Variants in GCH1 observed in about 807,000 individuals in gnomAD.
The protein encoded by GCH1 is GTP cyclohydrolase 1.
In GCH1, 5 loss-of-function variants were observed where a neutral mutation model predicts 25.9. The observed-to-expected ratio is 0.19, with a 90% CI of 0.10 to 0.41. The LOEUF (loss-of-function observed/expected upper bound fraction) is 0.41. GCH1 is among the 10% of genes least tolerant of loss of function. GCH1 has a pLI of 1.00. For missense variants in GCH1, 261 were observed against 336.5 expected (o/e 0.78, Z 1.75); for synonymous variants, 159 against 129.6 (o/e 1.23, Z -1.54).
At chr14:54,865,697 C>T (rs374462796) in intron 1 of GCH1, among the ~76,000 whole-genome samples, 7 of 152,160 alleles carry the variant, frequency 4.6e-5, no homozygotes, top group South Asian at 4.1e-4. Flanking sequence ...GGAAGGAGAA[C>T]GGAGGGAGGA....
chr14:54,870,619 T>C (rs1256597851), intron 1 of GCH1, among the ~76,000 whole-genome samples: 1 of 152,160 alleles, frequency 6.6e-6, no homozygotes, highest in Non-Finnish European at 1.5e-5. Flanking sequence ...CGGTGACAGA[T>C]GGCACCTGGA....
At chr14:54,855,105 TA>T (rs2039788711) in intron 3 of GCH1, among the ~76,000 whole-genome samples, 1 of 152,248 alleles carries the variant, frequency 6.6e-6, no homozygotes, top group Non-Finnish European at 1.5e-5. Flanking sequence ...AAATACTGGT[TA>T]AATGAATTGT....
intron 1 of GCH1, among the ~76,000 whole-genome samples, chr14:54,893,639 T>C (rs1314440487): frequency 2.0e-5 from 3 of 152,230 alleles, no homozygotes; most frequent in African/African-American, 7.2e-5. Context: ...ACTTTCAAGA[T>C]ACAGTCTTGG....
intron 1 of GCH1, among the ~76,000 whole-genome samples, chr14:54,900,297 C>G (rs1156390487): frequency 1.3e-5 from 2 of 152,084 alleles, no homozygotes; most frequent in African/African-American, 4.8e-5. Context: ...GCAACCTCCT[C>G]CTCCTGGGTT....
chr14:54,884,173 T>C (rs530902516), intron 1 of GCH1, among the ~76,000 whole-genome samples: 1 of 152,148 alleles, frequency 6.6e-6, no homozygotes, highest in East Asian at 1.9e-4. Flanking sequence ...GTAAAAATAT[T>C]TGGAGAATGA....
intron 1 of GCH1, among the ~76,000 whole-genome samples, chr14:54,891,553 G>A (rs544801247): frequency 6.6e-6 from 1 of 152,080 alleles, no homozygotes; most frequent in Non-Finnish European, 1.5e-5. Flanking sequence ...GGGATTACAG[G>A]CACATGCCAC....
rs184239730 is a variant in GCH1, at chr14:54,863,645, C to T, written c.453+1682G>A. Reference sequence around the variant, plus strand: ...CAGGCAATGACATCAATGAATCCGACTATGTAGAACAAGAGAGGCCAGACA... The same window carrying T: ...CAGGCAATGACATCAATGAATCCGATTATGTAGAACAAGAGAGGCCAGACA... On this transcript the variant is annotated intron_variant, in intron 2 of 5. Coordinates refer to ENST00000491895, the MANE Select transcript of GCH1 (RefSeq NM_000161.3). Among the ~76,000 whole-genome samples, 336 of 151,786 alleles carry T rather than the reference C, an allele frequency of 2.2e-3. 2 individuals carry two copies. The highest frequency in any genetic ancestry group is 7.7e-3 in the African/African-American group (318 of 41,394).
intron 1 of GCH1, among the ~76,000 whole-genome samples, chr14:54,868,691 T>A (rs2040023831): frequency 6.6e-6 from 1 of 152,040 alleles, no homozygotes; most frequent in South Asian, 2.1e-4. Context: ...AAGCTCTGCC[T>A]CCCAGGTTCA....
At chr14:54,892,305 A>G (rs972269027) in intron 1 of GCH1, among the ~76,000 whole-genome samples, 4 of 152,204 alleles carry the variant, frequency 2.6e-5, no homozygotes, top group African/African-American at 9.6e-5. Context: ...CAGATCCCCA[A>G]GGATAAGGGG....
At chr14:54,875,339 C>T (rs1401685122) in intron 1 of GCH1, among the ~76,000 whole-genome samples, 1 of 152,186 alleles carries the variant, frequency 6.6e-6, no homozygotes, top group East Asian at 1.9e-4. Flanking sequence ...GGATTAAACA[C>T]TTAAACGTTA....
intron 1 of GCH1, among the ~76,000 whole-genome samples, chr14:54,867,335 C>A (rs2040001529): frequency 1.3e-5 from 2 of 152,044 alleles, no homozygotes; most frequent in African/African-American, 4.8e-5. Context: ...TGCCTGTAAT[C>A]CCAGCACTCT....
At chr14:54,901,803 T>A (rs1379298575) in intron 1 of GCH1, among the ~76,000 whole-genome samples, 1 of 151,116 alleles carries the variant, frequency 6.6e-6, no homozygotes, top group African/African-American at 2.4e-5. Flanking sequence ...TCCGATCCCC[T>A]GGCAAATCAG....
At chr14:54,883,344 C>T (rs1035497343) in intron 1 of GCH1, among the ~76,000 whole-genome samples, 15 of 131,018 alleles carry the variant, frequency 1.1e-4, no homozygotes, top group Admixed American at 4.6e-4. Context: ...TGCGCTCTAG[C>T]CTGGGCGACA....
At chr14:54,882,228 T>C (rs538351496) in intron 1 of GCH1, among the ~76,000 whole-genome samples, 9 of 152,364 alleles carry the variant, frequency 5.9e-5, no homozygotes, top group South Asian at 2.1e-4. Flanking sequence ...GTGTTGGACA[T>C]TGATGCCAAA....
intron 1 of GCH1, among the ~76,000 whole-genome samples, chr14:54,897,815 C>G (rs543077438): frequency 6.6e-6 from 1 of 152,142 alleles, no homozygotes; most frequent in African/African-American, 2.4e-5. Flanking sequence ...GGAAGATGAA[C>G]CAAGACCATC....
chr14:54,847,289 G>C (rs539853530), intron 3 of GCH1, among the ~76,000 whole-genome samples, 159 bp from the exon 4 acceptor site: 2 of 152,316 alleles, frequency 1.3e-5, no homozygotes, highest in South Asian at 4.1e-4. Flanking sequence ...ACCACAGGGA[G>C]ATGTAGTCTA....
chr14:54,900,845 TCACA>T (rs3221690), intron 1 of GCH1, among the ~76,000 whole-genome samples: 54,577 of 144,446 alleles, frequency 0.38, 10,593 homozygotes, highest in Middle Eastern at 0.53. Context: ...GTGAAATATC[TCACA>T]CACACACACA....
rs1303079641 is a variant in GCH1 at position 54,843,068 on chromosome 14, G to A, written c.*949C>T. The A allele has an allele frequency of 7.6e-6, 9 of 1,182,306 alleles. No individual in the cohort carries two copies. The African/African-American group carries it at 9.1e-5, about 12-fold the overall frequency. The allele number at this position is 1,182,306 out of a possible 1,614,324, so 73.2% of individuals were successfully genotyped here. A position where few individuals can be genotyped will look rare whatever the true frequency, so the allele number is the denominator to read the frequency against. On this transcript the variant is annotated 3_prime_UTR_variant, in exon 6 of 6. Coordinates refer to ENST00000491895, the MANE Select transcript of GCH1 (RefSeq NM_000161.3). Reference sequence around the variant, plus strand: ...GGTTCTGCAGACCTGAAAATGATGGGCACTCTCAAATGTTTCTGGAAATAC... The same window carrying A: ...GGTTCTGCAGACCTGAAAATGATGGACACTCTCAAATGTTTCTGGAAATAC...
At chr14:54,872,895 A>T (rs1594998128) in intron 1 of GCH1, among the ~76,000 whole-genome samples, 1 of 151,860 alleles carries the variant, frequency 6.6e-6, no homozygotes, top group Non-Finnish European at 1.5e-5. Flanking sequence ...CTCCCACACA[A>T]TAATAATGGG....
Sources: allele counts gnomAD v4.1 joint callset (sites outside exome capture counted in the v4.1 genomes callset), GRCh38; gene constraint gnomAD v4.1.1; transcripts MANE v1.5; gene names NCBI Gene and HGNC (gene_info 2026-07-23, HGNC 2026-07-21).